Variants in NTNG1 observed in about 807,000 individuals in gnomAD.
The protein encoded by NTNG1 is netrin-G1.
NTNG1 carries 16 observed loss-of-function variants against 54.0 expected under a neutral mutation model. The observed-to-expected ratio is 0.30, with a 90% CI of 0.20 to 0.45. The LOEUF is 0.45. Ranked by LOEUF, NTNG1 falls within the 20% of genes least tolerant of loss-of-function variation. The probability of loss-of-function intolerance (pLI) is 1.00; values close to 1 mark genes in which losing one functional copy is unlikely to be tolerated. For synonymous variants in NTNG1, 255 were observed against 263.1 expected (o/e 0.97, Z 0.30); for missense variants, 530 against 678.7 (o/e 0.78, Z 2.43).
chr1:107,394,113 C>T (rs1258332864), intron 3 of NTNG1, among the ~76,000 whole-genome samples: 1 of 152,024 alleles, frequency 6.6e-6, no homozygotes, highest in East Asian at 1.9e-4. Flanking sequence ...TACCCCTGCC[C>T]AGGCTGGATG....
intron 4 of NTNG1, among the ~76,000 whole-genome samples, chr1:107,406,230 T>C (rs1391216335): frequency 2.0e-5 from 3 of 152,130 alleles, no homozygotes; most frequent in Non-Finnish European, 2.9e-5. Context: ...AATACAAAGC[T>C]AGAAATCTCC....
chr1:107,453,809 A>G (rs1017465467), intron 7 of NTNG1, among the ~76,000 whole-genome samples: 3 of 152,174 alleles, frequency 2.0e-5, no homozygotes, highest in Non-Finnish European at 1.5e-5. Context: ...CACACATGTT[A>G]CTTTATTTAT....
chr1:107,175,362 G>A (rs1016796382), intron 2 of NTNG1, among the ~76,000 whole-genome samples: 4 of 152,152 alleles, frequency 2.6e-5, no homozygotes, highest in African/African-American at 9.6e-5. Context: ...GCACACAGCA[G>A]GTAGTAACCT....
chr1:107,290,202 C>T (rs1294823663), intron 2 of NTNG1, among the ~76,000 whole-genome samples: 1 of 152,094 alleles, frequency 6.6e-6, no homozygotes, highest in East Asian at 1.9e-4. Context: ...ATAGGAGATA[C>T]CTATACCACT....
chr1:107,323,929 T>C (rs1667797219), intron 2 of NTNG1, among the ~76,000 whole-genome samples: 1 of 152,082 alleles, frequency 6.6e-6, no homozygotes, highest in Non-Finnish European at 1.5e-5. Flanking sequence ...GGGAGGAATT[T>C]CCCTTGCTTT....
intron 3 of NTNG1, among the ~76,000 whole-genome samples, chr1:107,365,109 A>T (rs1003629185): frequency 3.9e-5 from 6 of 152,216 alleles, no homozygotes; most frequent in African/African-American, 1.4e-4. Context: ...TTAAACTTAC[A>T]TATGGGGCCT....
intron 7 of NTNG1, among the ~76,000 whole-genome samples, chr1:107,475,632 AT>A (rs1253696568): frequency 6.6e-6 from 1 of 152,194 alleles, no homozygotes; most frequent in Non-Finnish European, 1.5e-5. Context: ...TATCTTCCTG[AT>A]CTAGAAATGA....
chr1:107,231,200 C>T (rs1008009787), intron 2 of NTNG1, among the ~76,000 whole-genome samples: 1 of 152,130 alleles, frequency 6.6e-6, no homozygotes, highest in Non-Finnish European at 1.5e-5. Context: ...GCCATGATGG[C>T]CATGATGATC....
At chr1:107,460,221 G>T (rs80056997) in intron 7 of NTNG1, among the ~76,000 whole-genome samples, 27 of 152,130 alleles carry the variant, frequency 1.8e-4, no homozygotes, top group African/African-American at 6.5e-4. Context: ...CTCATGCCCC[G>T]GTGCAATGCC....
chr1:107,350,752 A>G (rs1669551757), intron 3 of NTNG1, among the ~76,000 whole-genome samples: 1 of 152,224 alleles, frequency 6.6e-6, no homozygotes, highest in African/African-American at 2.4e-5. Context: ...CAGAAAGACA[A>G]TGCTGCAGGA....
At chr1:107,287,103 A>G (rs997896894) in intron 2 of NTNG1, among the ~76,000 whole-genome samples, 4 of 152,126 alleles carry the variant, frequency 2.6e-5, no homozygotes, top group Non-Finnish European at 5.9e-5. Flanking sequence ...TATTGATATA[A>G]AGGAATAATA....
intron 3 of NTNG1, among the ~76,000 whole-genome samples, chr1:107,391,196 G>A (rs1168782806): frequency 2.0e-5 from 3 of 152,284 alleles, no homozygotes; most frequent in Non-Finnish European, 4.4e-5. Flanking sequence ...AGCTGGAAAA[G>A]GGGCAAGAGA....
chr1:107,259,566 T>C (rs1663160865), intron 2 of NTNG1, among the ~76,000 whole-genome samples: 1 of 152,204 alleles, frequency 6.6e-6, no homozygotes. Context: ...TAGAACTCAT[T>C]TTTTAGGTTG....
At chr1:107,222,238 G>C (rs564136385) in intron 2 of NTNG1, among the ~76,000 whole-genome samples, 1 of 152,112 alleles carries the variant, frequency 6.6e-6, no homozygotes, top group African/African-American at 2.4e-5. Context: ...CTGTCTCTCT[G>C]TACTTGCCGC....
At chr1:107,288,018 A>T (rs1665312762) in intron 2 of NTNG1, among the ~76,000 whole-genome samples, 1 of 152,154 alleles carries the variant, frequency 6.6e-6, no homozygotes, top group African/African-American at 2.4e-5. Context: ...GATTACTCTG[A>T]CCACAGCATG....
At chr1:107,429,026 G>A (rs546226480) in intron 5 of NTNG1, among the ~76,000 whole-genome samples, 7 of 151,838 alleles carry the variant, frequency 4.6e-5, no homozygotes, top group Non-Finnish European at 1.0e-4. Context: ...CTCCATACTC[G>A]CCTCCCCTCT....
intron 5 of NTNG1, among the ~76,000 whole-genome samples, chr1:107,414,664 T>G (rs1305539471): frequency 1.3e-5 from 2 of 152,124 alleles, no homozygotes; most frequent in African/African-American, 4.8e-5. Flanking sequence ...CAGTAACTGT[T>G]TATAGTACAG....
intron 2 of NTNG1, among the ~76,000 whole-genome samples, chr1:107,208,793 G>A (rs1659395607): frequency 6.6e-6 from 1 of 152,050 alleles, no homozygotes; most frequent in Non-Finnish European, 1.5e-5. Context: ...TCTTTTGTGG[G>A]GGCTTACCTT....
At chr1:107,455,117 G>A (rs1676864939) in intron 7 of NTNG1, among the ~76,000 whole-genome samples, 1 of 151,476 alleles carries the variant, frequency 6.6e-6, no homozygotes, top group Non-Finnish European at 1.5e-5. Flanking sequence ...AGGCTGGAGT[G>A]CAATGGGGCG....
Sources: allele counts gnomAD v4.1 joint callset (sites outside exome capture counted in the v4.1 genomes callset), GRCh38; gene constraint gnomAD v4.1.1; transcripts MANE v1.5; gene names NCBI Gene and HGNC (gene_info 2026-07-23, HGNC 2026-07-21).